The following GNAI3 variants were observed in gnomAD, a reference collection of about 807,000 sequenced individuals.
GNAI3 encodes the protein G protein subunit alpha i3.
In GNAI3, 12 loss-of-function variants were observed where a neutral mutation model predicts 41.8. The ratio of observed to expected loss-of-function variants is 0.29; its 90% CI spans 0.18 to 0.47. The LOEUF is 0.47. GNAI3 is among the 20% of genes least tolerant of loss of function. The pLI is 1.00. For missense variants in GNAI3, 360 were observed against 429.6 expected (o/e 0.84, Z 1.43); for synonymous variants, 132 against 146.5 (o/e 0.90, Z 0.71).
intron 1 of GNAI3, among the ~76,000 whole-genome samples, chr1:109,566,089 C>G (rs2101095874): frequency 6.6e-6 from 1 of 152,300 alleles, no homozygotes; most frequent in South Asian, 2.1e-4. Flanking sequence ...GGAAATTAAC[C>G]TCTTGAACTG....
chr1:109,579,103 C>G (rs972736136), intron 3 of GNAI3, 101 bp from the exon 4 acceptor site: 7 of 948,542 alleles, frequency 7.4e-6, no homozygotes, highest in Non-Finnish European at 9.5e-6. Context: ...AACAACACCT[C>G]TTTTAACATA....
chr1:109,596,805 G>A lies in GNAI3; in HGVS notation c.*4483G>A, dbSNP rs1229964911. On this transcript the variant is annotated 3_prime_UTR_variant, in exon 9 of 9. Coordinates refer to ENST00000369851, the MANE Select transcript of GNAI3 (RefSeq NM_006496.4). ...TAGCAGATTCTTTGGCTAAACCCTA[G>A]TAAATTAAAATGTCTGAGCCAGGTC... 1 of 152,180 alleles carries A rather than the reference G, an allele frequency of 6.6e-6. No individual in the cohort carries two copies. The highest frequency in any genetic ancestry group is 1.5e-5 in the Non-Finnish European group (1 of 68,034). 9.4% of individuals were successfully genotyped at this position (152,180 alleles called of 1,614,324 possible). A position where few individuals can be genotyped will look rare whatever the true frequency, so the allele number is the denominator to read the frequency against.
At chr1:109,586,416 T>C (rs1208742802) in intron 6 of GNAI3, 71 bp downstream of exon 6, 1 of 1,417,334 alleles carries the variant, frequency 7.1e-7, no homozygotes, top group Non-Finnish European at 9.7e-7. Flanking sequence ...ATTAGGAAGA[T>C]TATCTGCATC....
rs1271844147 is a variant in GNAI3, at chr1:109,586,242, C to G, written c.617C>G (p.Ser206Ter). 8.1e-6 allele frequency: 13 copies of G among 1,613,232 alleles called. No individual in the cohort carries two copies. The highest frequency in any genetic ancestry group is 1.1e-5 in the Non-Finnish European group (13 of 1,179,568). Residue 206 changes from serine (S) to a stop codon, truncating the protein, a stop_gained, in exon 6 of 9, where the codon TCA becomes TGA. Transcript: ENST00000369851. LOFTEE classifies it high-confidence loss of function. ...ATGTTTGATGTAGGTGGCCAAAGAT[C>G]AGAACGAAAAAAGTGGATTCACTGT... Reference protein sequence around the residue: ...FKMFDVGGQRSERKKWIHCFE... With the variant: ...FKMFDVGGQR
chr1:109,591,335 A>T (rs1649164422), intron 7 of GNAI3, among the ~76,000 whole-genome samples: 4 of 152,128 alleles, frequency 2.6e-5, no homozygotes. Flanking sequence ...AAACAATCCC[A>T]TAGCGTTTAT....
At chr1:109,577,829 TC>T (rs1648790196) in intron 3 of GNAI3, among the ~76,000 whole-genome samples, 1 of 152,198 alleles carries the variant, frequency 6.6e-6, no homozygotes, top group African/African-American at 2.4e-5. Context: ...AATTCACAAG[TC>T]TTTGGAGTTT....
At chr1:109,560,959 G>A (rs1648295930) in intron 1 of GNAI3, among the ~76,000 whole-genome samples, 1 of 152,132 alleles carries the variant, frequency 6.6e-6, no homozygotes, top group Non-Finnish European at 1.5e-5. Flanking sequence ...ATTTTCTCCT[G>A]TATTTCTTGA....
intron 3 of GNAI3, among the ~76,000 whole-genome samples, chr1:109,576,581 T>C (rs887009690): frequency 3.3e-5 from 5 of 151,356 alleles, no homozygotes; most frequent in African/African-American, 4.9e-5. Flanking sequence ...TGCAATGGTG[T>C]GACCTTGGCT....
chr1:109,573,162 A>T (rs938341736), intron 1 of GNAI3, among the ~76,000 whole-genome samples: 9 of 152,182 alleles, frequency 5.9e-5, no homozygotes, highest in African/African-American at 2.2e-4. Context: ...TCAGAAGGCT[A>T]GCTTGACATT....
In GNAI3 at chr1:109,599,065, C is replaced by G; in HGVS notation, c.*6743C>G. On this transcript the variant is annotated 3_prime_UTR_variant, in exon 9 of 9. Transcript: ENST00000369851. ...ATGGGAAGGAATACTCTGTTTTGGACTATTTGGAGGTACATGTGAGTGGAT... is the reference window on the plus strand; with the variant it reads ...ATGGGAAGGAATACTCTGTTTTGGAGTATTTGGAGGTACATGTGAGTGGAT... The G allele has an allele frequency of 2.2e-6, 1 of 460,612 alleles. No individual in the cohort carries two copies. Among genetic ancestry groups the G allele is most frequent in the South Asian group, 1.6e-5 (1 of 64,296 alleles). The allele number at this position is 460,612 out of a possible 1,614,324, so 28.5% of individuals were successfully genotyped here.
At chr1:109,575,175 T>C (rs903669279) in intron 3 of GNAI3, among the ~76,000 whole-genome samples, 1 of 152,234 alleles carries the variant, frequency 6.6e-6, no homozygotes, top group South Asian at 2.1e-4. Flanking sequence ...CAGGGAAGTT[T>C]GGCAGTCAAG....
chr1:109,559,555 A>G (rs900539709), intron 1 of GNAI3, among the ~76,000 whole-genome samples: 4 of 152,216 alleles, frequency 2.6e-5, no homozygotes, highest in Non-Finnish European at 4.4e-5. Flanking sequence ...TATGTCTCTT[A>G]TTCTTGAGTT....
At chr1:109,575,323 A>G (rs911005420) in intron 3 of GNAI3, among the ~76,000 whole-genome samples, 1 of 143,872 alleles carries the variant, frequency 7.0e-6, no homozygotes, top group African/African-American at 2.6e-5. Flanking sequence ...CCCTTTTCTC[A>G]TTTCTCCCTA....
intron 1 of GNAI3, among the ~76,000 whole-genome samples, chr1:109,555,808 C>G (rs1250087327): frequency 6.6e-6 from 1 of 152,154 alleles, no homozygotes; most frequent in Non-Finnish European, 1.5e-5. Context: ...TGCTGTTCCT[C>G]CCCCGTGGTG....
At chr1:109,586,007 A>C (rs1355920815) in intron 5 of GNAI3, among the ~76,000 whole-genome samples, 4 of 152,180 alleles carry the variant, frequency 2.6e-5, no homozygotes, top group African/African-American at 4.8e-5. Flanking sequence ...TAAAATGAGA[A>C]TCTAGATTAT....
chr1:109,582,372 G>A, intron 4 of GNAI3, 65 bp from the exon 5 acceptor site: 1 of 1,290,558 alleles, frequency 7.7e-7, no homozygotes, highest in Non-Finnish European at 1.1e-6. Flanking sequence ...AACTAATTTA[G>A]TCTGTTCATT....
At chr1:109,548,951 C>G in intron 1 of GNAI3, 113 bp downstream of exon 1, 20 of 337,304 alleles carry the variant, frequency 5.9e-5, no homozygotes, top group South Asian at 1.8e-4. Context: ...ATCTGGAGGG[C>G]GTGCCGGGCG....
At chr1:109,566,814 C>T (rs1479197063) in intron 1 of GNAI3, among the ~76,000 whole-genome samples, 1 of 152,174 alleles carries the variant, frequency 6.6e-6, no homozygotes, top group African/African-American at 2.4e-5. Context: ...CCACCCGCCT[C>T]GGCCTCCCAA....
At chr1:109,575,544 T>TC (rs1648718450) in intron 3 of GNAI3, among the ~76,000 whole-genome samples, 1 of 134,458 alleles carries the variant, frequency 7.4e-6, no homozygotes, top group South Asian at 2.7e-4. Context: ...CTTTTTTTTT[T>TC]TTTTTTTTTT....
Sources: allele counts gnomAD v4.1 joint callset (sites outside exome capture counted in the v4.1 genomes callset), GRCh38; gene constraint gnomAD v4.1.1; transcripts MANE v1.5; gene names NCBI Gene and HGNC (gene_info 2026-07-23, HGNC 2026-07-21).